FHIT: variants seen among roughly 807,000 people sequenced by gnomAD.
The protein encoded by FHIT is bis(5'-adenosyl)-triphosphatase.
A neutral mutation model predicts 17.9 loss-of-function variants in FHIT; 19 were observed. The observed-to-expected ratio is 1.06, with a 90% CI of 0.74 to 1.56. FHIT has a LOEUF of 1.56. Ranked by LOEUF, FHIT falls within the 40% of genes most tolerant of loss-of-function variation. FHIT has a pLI of 0.00. For synonymous variants in FHIT, 81 were observed against 69.7 expected (o/e 1.16, Z -0.81); for missense variants, 248 against 189.2 (o/e 1.31, Z -1.82).
intron 4 of FHIT, among the ~76,000 whole-genome samples, chr3:60,600,959 C>A (rs2038426413): frequency 1.3e-5 from 2 of 152,156 alleles, no homozygotes; most frequent in Admixed American, 1.3e-4. Flanking sequence ...TGGAATTGAG[C>A]TCCCCTTCCG....
chr3:60,895,467 C>T (rs185642512), intron 3 of FHIT, among the ~76,000 whole-genome samples: 1 of 152,022 alleles, frequency 6.6e-6, no homozygotes, highest in Non-Finnish European at 1.5e-5. Context: ...GTGTAAACAC[C>T]CTGCTAATCA....
intron 3 of FHIT, among the ~76,000 whole-genome samples, chr3:60,927,659 T>C (rs1707708207): frequency 6.6e-6 from 1 of 150,632 alleles, no homozygotes; most frequent in Non-Finnish European, 1.5e-5. Flanking sequence ...GAGGAGTGTC[T>C]CTGCCTGGCC....
chr3:60,878,689 T>C (rs1182623518), intron 3 of FHIT, among the ~76,000 whole-genome samples: 1 of 152,066 alleles, frequency 6.6e-6, no homozygotes, highest in East Asian at 1.9e-4. Context: ...CCTTCCTGTG[T>C]CCATGTGTTC....
intron 4 of FHIT, among the ~76,000 whole-genome samples, chr3:60,668,909 A>G (rs1009232202): frequency 6.6e-6 from 1 of 152,130 alleles, no homozygotes; most frequent in Non-Finnish European, 1.5e-5. Flanking sequence ...TTGTACCATT[A>G]CCAGAGTTGG....
At chr3:59,898,748 C>G (rs933217296) in intron 8 of FHIT, among the ~76,000 whole-genome samples, 5 of 151,878 alleles carry the variant, frequency 3.3e-5, no homozygotes, top group Non-Finnish European at 5.9e-5. Context: ...AATGAAGAGA[C>G]AGAAATTTCA....
At chr3:60,084,123 A>G (rs1031265406) in intron 5 of FHIT, among the ~76,000 whole-genome samples, 1 of 152,198 alleles carries the variant, frequency 6.6e-6, no homozygotes, top group Non-Finnish European at 1.5e-5. Flanking sequence ...ATAAGGATTC[A>G]TAAGTCTCAG....
At chr3:61,048,996 G>C (rs1032736567) in intron 2 of FHIT, among the ~76,000 whole-genome samples, 1 of 151,752 alleles carries the variant, frequency 6.6e-6, no homozygotes, top group Non-Finnish European at 1.5e-5. Context: ...GAGTGGGGAG[G>C]GATACCATTA....
In FHIT at chr3:60,710,541, C is replaced by T. The variant is rs576812615; in HGVS notation, c.-18+111378G>A. Among the ~76,000 whole-genome samples the T allele has an allele frequency of 3.8e-3, 573 of 152,330 alleles. 1 individual carries two copies. The highest frequency in any genetic ancestry group is 0.015 in the South Asian group (73 of 4,828). On this transcript the variant is annotated intron_variant, in intron 4 of 9. Transcript: ENST00000492590. ...GCTCAAGGAAAGGGGTGACAGACGG[C>T]ACCTGGAAAATCGGGCCCCTCCCAC... is the stretch of plus-strand genomic sequence containing the variant.
Position 60,717,110 on chromosome 3 carries a change from G to A in FHIT, c.-18+104809C>T, listed in dbSNP as rs2041701984. ...TAAAAAAGTTAAATTCATAGAAGCA[G>A]GTAGTAGAAGGTTGGTTGCCAGGGG... On this transcript the variant is annotated intron_variant, in intron 4 of 9. Coordinates refer to ENST00000492590, the MANE Select transcript of FHIT (RefSeq NM_002012.4). Among the ~76,000 whole-genome samples the A allele has an allele frequency of 2.0e-5, 3 of 152,184 alleles. 1 individual carries two copies. Among genetic ancestry groups the A allele is most frequent in the Admixed American group, 2.0e-4 (3 of 15,270 alleles).
intron 3 of FHIT, among the ~76,000 whole-genome samples, chr3:60,858,537 G>C (rs1277765898): frequency 6.6e-6 from 1 of 152,102 alleles, no homozygotes; most frequent in East Asian, 1.9e-4. Context: ...ATATTGCTTT[G>C]TCTACCAGTG....
At chr3:60,122,299 G>C (rs987804832) in intron 5 of FHIT, among the ~76,000 whole-genome samples, 1 of 152,138 alleles carries the variant, frequency 6.6e-6, no homozygotes, top group African/African-American at 2.4e-5. Flanking sequence ...CCTATGATAC[G>C]TGTTGTCTGG....
At position 60,484,801 on chromosome 3, in the gene FHIT, C is replaced by A. The variant is rs534009038; in HGVS notation, c.103+52059G>T. Among the ~76,000 whole-genome samples the A allele has an allele frequency of 9.2e-5, 14 of 152,246 alleles. No homozygotes were observed. In the East Asian group the frequency reaches 2.7e-3, roughly 29 times the overall value. On this transcript the variant is annotated intron_variant, in intron 5 of 9. Coordinates refer to ENST00000492590, the MANE Select transcript of FHIT (RefSeq NM_002012.4). ...CAATTGCAACAAAGGTCAAAATTGACAAATGGGATCTAACTAAACTAAAGA... is the reference window on the plus strand; with the variant it reads ...CAATTGCAACAAAGGTCAAAATTGAAAAATGGGATCTAACTAAACTAAAGA...
chr3:60,604,484 C>A (rs78480530), intron 4 of FHIT, among the ~76,000 whole-genome samples: 2,788 of 152,206 alleles, frequency 0.018, 86 homozygotes, highest in African/African-American at 0.063. Flanking sequence ...ATTTTTGCCG[C>A]AGATAAAATC....
At chr3:60,968,351 A>G (rs1171152208) in intron 3 of FHIT, among the ~76,000 whole-genome samples, 1 of 152,220 alleles carries the variant, frequency 6.6e-6, no homozygotes, top group Non-Finnish European at 1.5e-5. Flanking sequence ...TGGAAATAAT[A>G]AACACATTTA....
intron 3 of FHIT, among the ~76,000 whole-genome samples, chr3:61,006,243 G>A (rs938664313): frequency 1.3e-5 from 2 of 152,082 alleles, no homozygotes; most frequent in African/African-American, 2.4e-5. Flanking sequence ...TCTCAAATAT[G>A]GGATTTGACA....
intron 3 of FHIT, among the ~76,000 whole-genome samples, chr3:61,010,200 C>CAA (rs533032458): frequency 7.3e-6 from 1 of 136,888 alleles, no homozygotes; most frequent in Non-Finnish European, 1.6e-5. Context: ...ACTTGATTAC[C>CAA]AAAAAAAAAA....
chr3:60,337,690 G>C (rs1007253283), intron 5 of FHIT, among the ~76,000 whole-genome samples: 2 of 152,112 alleles, frequency 1.3e-5, no homozygotes, highest in African/African-American at 2.4e-5. Context: ...TTGATAAACT[G>C]AGTTATGATC....
intron 4 of FHIT, among the ~76,000 whole-genome samples, chr3:60,698,094 T>G (rs1224616128): frequency 6.6e-6 from 1 of 152,156 alleles, no homozygotes; most frequent in Non-Finnish European, 1.5e-5. Flanking sequence ...CCTGCAGAAA[T>G]GGCAAGGAGA....
rs114548674 is a variant in FHIT, at chr3:61,099,499, T to G, written c.-163-57400A>C. 2.8e-3 allele frequency among the ~76,000 whole-genome samples: 419 copies of G among 152,282 alleles called. 5 individuals are homozygous for G. Among genetic ancestry groups the G allele is most frequent in the African/African-American group, 9.8e-3 (408 of 41,558 alleles). ...GCTTCAGCAGGAATGCTACCAGCTC[T>G]TCTCTGTACATCTGGTAAAATTTAG... On this transcript the variant is annotated intron_variant, in intron 2 of 9. Coordinates refer to ENST00000492590, the MANE Select transcript of FHIT (RefSeq NM_002012.4).
Sources: allele counts gnomAD v4.1 joint callset (sites outside exome capture counted in the v4.1 genomes callset), GRCh38; gene constraint gnomAD v4.1.1; transcripts MANE v1.5; gene names NCBI Gene and HGNC (gene_info 2026-07-23, HGNC 2026-07-21).